NEDD9: variants seen among roughly 807,000 people sequenced by gnomAD.
NEDD9 encodes the protein neural precursor cell expressed, developmentally down-regulated 9, also known as enhancer of filamentation 1.
Under a neutral mutation model 76.6 loss-of-function variants are expected in NEDD9, and 26 were observed. The observed-to-expected ratio is 0.34, with a 90% CI of 0.25 to 0.47. The LOEUF (loss-of-function observed/expected upper bound fraction) is 0.47, where lower values mean the gene tolerates loss of function less well. Among genes scored for constraint, NEDD9 ranks in the 20% least tolerant of loss-of-function variants. The pLI is 1.00. For missense variants in NEDD9, 937 were observed against 1,058.5 expected (o/e 0.89, Z 1.59); for synonymous variants, 392 against 414.2 (o/e 0.95, Z 0.65).
At chr6:11,262,231 A>C (rs1024490328) in intron 3 of NEDD9, among the ~76,000 whole-genome samples, 2 of 152,234 alleles carry the variant, frequency 1.3e-5, no homozygotes, top group Admixed American at 6.5e-5. Context: ...AGGGAAGCAG[A>C]GGAGGAAATT....
At chr6:11,312,012 C>T (rs1484100960) in intron 2 of NEDD9, among the ~76,000 whole-genome samples, 1 of 152,116 alleles carries the variant, frequency 6.6e-6, no homozygotes, top group Non-Finnish European at 1.5e-5. Flanking sequence ...TGTTTCTCTT[C>T]ACCTCCCATC....
intron 2 of NEDD9, among the ~76,000 whole-genome samples, chr6:11,324,367 C>A (rs1042163963): frequency 2.0e-5 from 3 of 152,134 alleles, no homozygotes; most frequent in Non-Finnish European, 4.4e-5. Context: ...GCCCTGTGTG[C>A]AGGTCTGGAT....
chr6:11,276,283 G>T (rs749896273), intron 3 of NEDD9, among the ~76,000 whole-genome samples: 1 of 152,180 alleles, frequency 6.6e-6, no homozygotes, highest in Non-Finnish European at 1.5e-5. Flanking sequence ...TTATTATTTA[G>T]CTACTACTTA....
upstream of NEDD9, chr6:11,233,566 C>T (rs2113274433): frequency 1.4e-5 from 7 of 515,524 alleles, no homozygotes; most frequent in South Asian, 9.8e-5. Context: ...GACCCATTAA[C>T]CCACCAACAC....
intron 2 of NEDD9, among the ~76,000 whole-genome samples, chr6:11,334,174 A>T (rs945590016): frequency 1.5e-4 from 23 of 152,382 alleles, no homozygotes; most frequent in African/African-American, 5.5e-4. Flanking sequence ...AGCTGTTTAT[A>T]AAAGTCTGAG....
chr6:11,317,149 G>C (rs1004488888), intron 2 of NEDD9, among the ~76,000 whole-genome samples: 1 of 152,096 alleles, frequency 6.6e-6, no homozygotes, highest in Non-Finnish European at 1.5e-5. Context: ...AATGAGATAG[G>C]GGGCCAGGCA....
intron 1 of NEDD9, among the ~76,000 whole-genome samples, chr6:11,226,305 C>A (rs1228183481): frequency 6.6e-6 from 1 of 152,020 alleles, no homozygotes; most frequent in African/African-American, 2.4e-5. Context: ...CTCTTTGCAA[C>A]CATCTATCAC....
chr6:11,375,771 CA>C (rs1762959650), intron 1 of NEDD9, among the ~76,000 whole-genome samples: 1 of 152,220 alleles, frequency 6.6e-6, no homozygotes, highest in Non-Finnish European at 1.5e-5. Flanking sequence ...CAGATGCCAG[CA>C]CCATGCTTTC....
intron 1 of NEDD9, among the ~76,000 whole-genome samples, chr6:11,335,554 T>A (rs1762139425): frequency 6.6e-6 from 1 of 152,204 alleles, no homozygotes; most frequent in Admixed American, 6.5e-5. Flanking sequence ...CTACAAAGTT[T>A]TGCCTCACCC....
intron 1 of NEDD9, among the ~76,000 whole-genome samples, chr6:11,231,137 A>G (rs865838995): frequency 2.6e-5 from 4 of 152,194 alleles, no homozygotes; most frequent in African/African-American, 7.2e-5. Context: ...TAAGGAAGAT[A>G]ACTTTCCTGC....
intron 3 of NEDD9, among the ~76,000 whole-genome samples, chr6:11,303,511 C>A (rs1258672205): frequency 6.7e-6 from 1 of 150,368 alleles, no homozygotes; most frequent in Non-Finnish European, 1.5e-5. Flanking sequence ...TTGGAAAAAA[C>A]TACTTAAAAG....
At chr6:11,232,810 G>A (rs1561800438), upstream of NEDD9, 2 of 912,628 alleles carry the variant, frequency 2.2e-6, no homozygotes, top group Admixed American at 7.3e-5. Context: ...TAATGTGATC[G>A]CTTCTTTTTG....
chr6:11,382,330 G>T (rs763931160), upstream of NEDD9: 2 of 152,262 alleles, frequency 1.3e-5, no homozygotes, highest in Non-Finnish European at 2.9e-5. Context: ...CGTCGGATGT[G>T]AGTGGCATAT....
intron 1 of NEDD9, among the ~76,000 whole-genome samples, chr6:11,224,443 A>G (rs1759244059): frequency 6.6e-6 from 1 of 152,122 alleles, no homozygotes; most frequent in Non-Finnish European, 1.5e-5. Context: ...GGGTCAGGGA[A>G]GCGGAGATAG....
chr6:11,376,243 C>A (rs1432408564), intron 1 of NEDD9, among the ~76,000 whole-genome samples: 1 of 152,066 alleles, frequency 6.6e-6, no homozygotes, highest in Non-Finnish European at 1.5e-5. Flanking sequence ...ATAAAGATAA[C>A]TGAAAATGTG....
At chr6:11,246,948 T>G (rs1759823654) in intron 3 of NEDD9, among the ~76,000 whole-genome samples, 1 of 152,110 alleles carries the variant, frequency 6.6e-6, no homozygotes, top group South Asian at 2.1e-4. Context: ...ACGACTGCCC[T>G]GCAACCTCCC....
chr6:11,299,563 T>C (rs1490195493), intron 3 of NEDD9, among the ~76,000 whole-genome samples: 1 of 152,198 alleles, frequency 6.6e-6, no homozygotes, highest in Non-Finnish European at 1.5e-5. Context: ...AAGTGGGTCC[T>C]TGACCCCTGT....
intron 6 of NEDD9, among the ~76,000 whole-genome samples, chr6:11,187,404 GC>G (rs1758006444): frequency 6.6e-6 from 1 of 152,136 alleles, no homozygotes; most frequent in Admixed American, 6.6e-5. Context: ...AACATGCCCT[GC>G]CCAAAGTCCT....
intron 1 of NEDD9, among the ~76,000 whole-genome samples, chr6:11,232,285 G>A (rs757416215): frequency 1.1e-4 from 16 of 152,188 alleles, no homozygotes; most frequent in Non-Finnish European, 2.1e-4. Context: ...AACTTTCAGA[G>A]CAGATGGACT....
Sources: gnomAD v4.1 joint callset for allele counts (sites outside exome capture counted in the v4.1 genomes callset) on GRCh38, gnomAD v4.1.1 for gene constraint, MANE v1.5 for transcripts, NCBI Gene and HGNC (gene_info 2026-07-23, HGNC 2026-07-21) for gene names.